The following MCM9 variants were observed in gnomAD, a reference collection of about 807,000 sequenced individuals.
MCM9 encodes DNA helicase MCM9.
Under a neutral mutation model 72.8 loss-of-function variants are expected in MCM9, and 55 were observed. The ratio of observed to expected loss-of-function variants is 0.76; its 90% CI spans 0.61 to 0.95. MCM9 has a LOEUF of 0.95. Among genes scored for constraint, MCM9 ranks in the 40% least tolerant of loss-of-function variants. The pLI is 0.00. For missense variants in MCM9, 1,279 were observed against 1,377.0 expected (o/e 0.93, Z 1.13); for synonymous variants, 480 against 503.4 (o/e 0.95, Z 0.62).
intron 1 of MCM9, among the ~76,000 whole-genome samples, chr6:118,933,336 TA>T (rs1214758630): frequency 1.1e-4 from 17 of 150,102 alleles, no homozygotes; most frequent in Non-Finnish European, 2.1e-4. Flanking sequence ...CGTTCTCTAC[TA>T]AAAAAAAATA....
At chr6:118,900,375 G>T (rs1779727595) in intron 8 of MCM9, among the ~76,000 whole-genome samples, 2 of 152,144 alleles carry the variant, frequency 1.3e-5, no homozygotes, top group African/African-American at 4.8e-5. Context: ...AAAAAAGGGG[G>T]ATTCCATAGC....
In MCM9 at chr6:118,814,724, ATGGCCAAT is replaced by A; in HGVS notation, c.*92_*99del. ...GCCAGTATTCAGAGTGATCCTCAAT[ATGGCCAAT>A]TGTTCTATACATTTATAAATACCAT... On this transcript the variant is annotated 3_prime_UTR_variant, in exon 14 of 14. Coordinates refer to ENST00000619706, the MANE Select transcript of MCM9 (RefSeq NM_017696.3). 9.4e-7 allele frequency: 1 copy of A among 1,059,988 alleles called. No homozygotes were observed. Among genetic ancestry groups the A allele is most frequent in the South Asian group, 1.9e-5 (1 of 53,894 alleles). 65.7% of individuals were successfully genotyped at this position (1,059,988 alleles called of 1,614,324 possible).
At chr6:118,871,588 G>C (rs1297025682) in intron 8 of MCM9, among the ~76,000 whole-genome samples, 3 of 152,150 alleles carry the variant, frequency 2.0e-5, no homozygotes, top group South Asian at 4.1e-4. Flanking sequence ...GCCCACTCTC[G>C]TCACTCCTGT....
chr6:118,867,592 T>C (rs1218958331), intron 8 of MCM9, among the ~76,000 whole-genome samples: 2 of 152,186 alleles, frequency 1.3e-5, no homozygotes, highest in Non-Finnish European at 2.9e-5. Flanking sequence ...TTACTTATCA[T>C]TGTGTCACAA....
intron 8 of MCM9, chr6:118,894,605 C>T: frequency 8.6e-7 from 1 of 1,169,162 alleles, no homozygotes; most frequent in South Asian, 1.3e-5. Flanking sequence ...TCGCGCTGGG[C>T]GGCTGTGTTC....
intron 9 of MCM9, among the ~76,000 whole-genome samples, chr6:118,841,616 T>C (rs1200261494): frequency 6.6e-6 from 1 of 152,222 alleles, no homozygotes; most frequent in Non-Finnish European, 1.5e-5. Context: ...AGAAAACTGA[T>C]GACTAGTCAA....
rs1240804061 is a variant in MCM9 at position 118,826,848 on chromosome 6, C to T, written c.1749G>A (p.Met583Ile). ...IRLAEAHARL[M>I]FRDTVTLEDA... ...CTTCCAGAGTTACAGTATCACGAAA[C>T]ATCAGGCGAGCATGAGCTAAGAAAA... is the stretch of plus-strand genomic sequence containing the variant. Residue 583 changes from methionine (M) to isoleucine (I), a missense_variant, in exon 12 of 14, where the codon ATG becomes ATA. By Grantham distance (10) the Met-to-Ile change is conservative (BLOSUM62 1). Coordinates refer to ENST00000619706, the MANE Select transcript of MCM9 (RefSeq NM_017696.3). 6.5e-7 allele frequency: 1 copy of T among 1,550,306 alleles called. No homozygotes were observed. Among genetic ancestry groups the T allele is most frequent in the Middle Eastern group, 1.7e-4 (1 of 5,992 alleles).
Position 118,913,200 on chromosome 6 carries a change from A to G in MCM9, c.1030+95T>C, listed in dbSNP as rs1404141094. 2.8e-6 allele frequency: 4 copies of G among 1,432,272 alleles called. No individual in the cohort carries two copies. In the East Asian group the frequency reaches 9.1e-5, roughly 33 times the overall value. 88.7% of individuals were successfully genotyped at this position (1,432,272 alleles called of 1,614,324 possible). A position where few individuals can be genotyped will look rare whatever the true frequency, so the allele number is the denominator to read the frequency against. ...AGTTTTATAAGATTACAATTGGAAA[A>G]TAAAACCCAACGAGCAGTTTTTATT... On this transcript the variant is annotated intron_variant, in intron 7 of 13. Coordinates refer to ENST00000619706, the MANE Select transcript of MCM9 (RefSeq NM_017696.3).
intron 3 of MCM9, among the ~76,000 whole-genome samples, 185 bp downstream of exon 3, chr6:118,931,235 A>T (rs6919100): frequency 0.58 from 88,275 of 152,036 alleles, 26,179 homozygotes; most frequent in East Asian, 0.69. Flanking sequence ...TCAGTGGGCA[A>T]GACTCATACT....
chr6:118,902,317 A>G (rs1323430706), intron 8 of MCM9, among the ~76,000 whole-genome samples: 2 of 150,214 alleles, frequency 1.3e-5, no homozygotes, highest in Admixed American at 6.6e-5. Context: ...CTATCTCATT[A>G]AAATGTTATG....
intron 8 of MCM9, among the ~76,000 whole-genome samples, chr6:118,906,508 A>T (rs1326161992): frequency 6.6e-6 from 1 of 152,192 alleles, no homozygotes; most frequent in Non-Finnish European, 1.5e-5. Context: ...TAATTATTCA[A>T]TGATGATATT....
chr6:118,882,519 A>C (rs143688399), intron 8 of MCM9, among the ~76,000 whole-genome samples: 1,584 of 152,348 alleles, frequency 0.01, 30 homozygotes, highest in African/African-American at 0.036. Flanking sequence ...ACTGGATTCA[A>C]AAAGTATCCC....
Position 118,843,668 on chromosome 6 carries a change from A to ACG in MCM9, c.1325+12702_1325+12703insCG, listed in dbSNP as rs1341297472. 6.2e-3 allele frequency among the ~76,000 whole-genome samples: 341 copies of ACG among 55,420 alleles called. 16 individuals are homozygous for ACG. The East Asian group carries it at 0.11, about 19-fold the overall frequency. The allele number at this position is 55,420 out of a possible 152,430, so 36.4% of individuals were successfully genotyped here. On this transcript the variant is annotated intron_variant, in intron 9 of 13. Transcript: ENST00000619706. ...TATATATATATATGTGTATATATAT[A>ACG]TGTATGTATATATATATGTGTATAT...
intron 8 of MCM9, among the ~76,000 whole-genome samples, chr6:118,889,999 A>G (rs1342011819): frequency 6.6e-6 from 1 of 152,244 alleles, no homozygotes; most frequent in Non-Finnish European, 1.5e-5. Context: ...AAGTATAAGG[A>G]TGCATTCCAG....
At chr6:118,916,752 T>C (rs1780998727) in intron 6 of MCM9, among the ~76,000 whole-genome samples, 1 of 152,176 alleles carries the variant, frequency 6.6e-6, no homozygotes, top group Admixed American at 6.5e-5. Context: ...CCCACCCACC[T>C]TGGCCTCTCC....
Position 118,815,402 on chromosome 6 carries a change from T to G in MCM9, c.2854A>C (p.Ser952Arg). Residue 952 changes from serine to arginine, a missense_variant, in exon 14 of 14, where the codon AGT becomes CGT. Coordinates refer to ENST00000619706, the MANE Select transcript of MCM9 (RefSeq NM_017696.3). ...SPGATKIAVHSPKISQRRTRR... is the reference protein window; with the variant it reads ...SPGATKIAVHRPKISQRRTRR... ...GTTCTACGCTGGGAAATTTTAGGAC[T>G]ATGAACTGCTATTTTAGTTGCACCA... 1.3e-6 allele frequency: 2 copies of G among 1,550,428 alleles called. No homozygotes were observed. Among genetic ancestry groups the G allele is most frequent in the Non-Finnish European group, 1.7e-6 (2 of 1,146,774 alleles).
At chr6:118,921,948 C>T in intron 5 of MCM9, 57 bp downstream of exon 5, 2 of 1,354,720 alleles carry the variant, frequency 1.5e-6, no homozygotes, top group Non-Finnish European at 2.1e-6. Context: ...GTGGCTTTTC[C>T]TAATCAATAC....
chr6:118,890,455 AT>A lies in MCM9; in HGVS notation c.1150+21194del, dbSNP rs554322152. ...GTTTTTTACAAATTGTCAAGAAAAC[AT>A]TTTTTCTTTTGCCTATTTTAACATA... On this transcript the variant is annotated intron_variant, in intron 8 of 13. Coordinates refer to ENST00000619706, the MANE Select transcript of MCM9 (RefSeq NM_017696.3). Among the ~76,000 whole-genome samples, 150 of 152,236 alleles carry A rather than the reference AT, an allele frequency of 9.9e-4. 6 individuals are homozygous for A. In the South Asian group the frequency reaches 0.029, roughly 29 times the overall value.
chr6:118,833,094 G>A (rs923457332), intron 9 of MCM9, among the ~76,000 whole-genome samples: 1 of 152,134 alleles, frequency 6.6e-6, no homozygotes, highest in African/African-American at 2.4e-5. Flanking sequence ...TAAAGCCCTG[G>A]AGTCAGAGAG....
Sources: gnomAD v4.1 joint callset for allele counts (sites outside exome capture counted in the v4.1 genomes callset) on GRCh38, gnomAD v4.1.1 for gene constraint, MANE v1.5 for transcripts, NCBI Gene and HGNC (gene_info 2026-07-23, HGNC 2026-07-21) for gene names.